Variants in WWOX observed in about 807,000 individuals in gnomAD.
WWOX encodes the protein WW domain-containing oxidoreductase.
A neutral mutation model predicts 46.2 loss-of-function variants in WWOX; 69 were observed. The ratio of observed to expected loss-of-function variants is 1.49; its 90% CI spans 1.23 to 1.82. The LOEUF is 1.82. WWOX is among the 40% of genes most tolerant of loss of function. WWOX has a pLI of 0.00. For missense variants in WWOX, 919 were observed against 542.6 expected (o/e 1.69, Z -6.89); for synonymous variants, 359 against 202.6 (o/e 1.77, Z -6.56).
chr16:78,539,742 A>T (rs1314676180), intron 8 of WWOX, among the ~76,000 whole-genome samples: 1 of 152,296 alleles, frequency 6.6e-6, no homozygotes, highest in East Asian at 1.9e-4. Context: ...ATAATTAGTA[A>T]TGCTAATGTC....
At chr16:78,747,265 C>G (rs138632075) in intron 8 of WWOX, among the ~76,000 whole-genome samples, 1 of 149,820 alleles carries the variant, frequency 6.7e-6, no homozygotes, top group Non-Finnish European at 1.5e-5. Flanking sequence ...GATCTCGGCT[C>G]ATTGCAACCT....
chr16:78,714,263 A>C (rs2048512934), intron 8 of WWOX, among the ~76,000 whole-genome samples: 1 of 152,172 alleles, frequency 6.6e-6, no homozygotes, highest in Admixed American at 6.5e-5. Flanking sequence ...ACGGACTCAT[A>C]GTTGCACATG....
intron 8 of WWOX, among the ~76,000 whole-genome samples, chr16:78,906,387 G>C (rs1217716014): frequency 6.6e-6 from 1 of 152,090 alleles, no homozygotes; most frequent in African/African-American, 2.4e-5. Context: ...AGCCTGATAA[G>C]GATTTCCTCT....
chr16:78,180,821 T>G (rs34640924), intron 5 of WWOX, among the ~76,000 whole-genome samples: 22,441 of 152,046 alleles, frequency 0.15, 2,018 homozygotes, highest in East Asian at 0.22. Flanking sequence ...CCAGAGCAGG[T>G]GTATACATGA....
At chr16:78,618,496 A>T (rs2046085916) in intron 8 of WWOX, among the ~76,000 whole-genome samples, 1 of 152,118 alleles carries the variant, frequency 6.6e-6, no homozygotes, top group African/African-American at 2.4e-5. Context: ...TTGTGAGGGC[A>T]CTGGTCATAT....
chr16:78,773,421 C>G (rs1172582954), intron 8 of WWOX, among the ~76,000 whole-genome samples: 1 of 152,294 alleles, frequency 6.6e-6, no homozygotes, highest in East Asian at 1.9e-4. Flanking sequence ...CTGCAGAGCG[C>G]AGACATTTGG....
intron 5 of WWOX, among the ~76,000 whole-genome samples, chr16:78,209,367 C>T (rs902487982): frequency 2.0e-5 from 3 of 152,188 alleles, no homozygotes; most frequent in Non-Finnish European, 4.4e-5. Flanking sequence ...GTTCCTTCTT[C>T]ATCTAGCTCA....
chr16:78,969,296 G>A (rs553424203), intron 8 of WWOX, among the ~76,000 whole-genome samples: 1 of 150,956 alleles, frequency 6.6e-6, no homozygotes, highest in East Asian at 1.9e-4. Context: ...TTTGAGGAAG[G>A]GTCTCTCTCT....
chr16:78,933,634 G>C (rs1253581144), intron 8 of WWOX, among the ~76,000 whole-genome samples: 10 of 152,252 alleles, frequency 6.6e-5, no homozygotes, highest in Non-Finnish European at 5.9e-5. Flanking sequence ...GAAGTTTATT[G>C]GACTTACAGT....
At chr16:78,965,450 A>T (rs895460184) in intron 8 of WWOX, among the ~76,000 whole-genome samples, 2 of 151,924 alleles carry the variant, frequency 1.3e-5, no homozygotes, top group Admixed American at 6.6e-5. Context: ...GGCACTTGTA[A>T]TCCCAGCTAC....
rs2034932968 is a variant in WWOX, at chr16:78,165,240, A to C, written c.516+951A>C. ...ATCGCTGGATTTCAGAATGAAGTCC[A>C]GACTGCATTCATTCACTTTTCATTC... On this transcript the variant is annotated intron_variant, in intron 5 of 8. Transcript: ENST00000566780. Among the ~76,000 whole-genome samples the C allele has an allele frequency of 2.6e-5, 4 of 152,374 alleles. No individual in the cohort carries two copies. The South Asian group carries it at 8.3e-4, about 32-fold the overall frequency.
At chr16:79,117,171 T>G (rs1303183371) in intron 8 of WWOX, among the ~76,000 whole-genome samples, 8 of 152,100 alleles carry the variant, frequency 5.3e-5, no homozygotes, top group Non-Finnish European at 1.2e-4. Flanking sequence ...GCCACTAGGC[T>G]GGGCTATTTT....
chr16:78,887,614 G>C (rs139329610), intron 8 of WWOX, among the ~76,000 whole-genome samples: 18 of 152,082 alleles, frequency 1.2e-4, no homozygotes, highest in African/African-American at 4.3e-4. Flanking sequence ...AAATCCATCA[G>C]CCAATGTGTA....
At chr16:78,696,243 C>T (rs1470063920) in intron 8 of WWOX, among the ~76,000 whole-genome samples, 1 of 152,176 alleles carries the variant, frequency 6.6e-6, no homozygotes, top group Admixed American at 6.5e-5. Flanking sequence ...GATACTAATA[C>T]CTGCCTTCCT....
intron 8 of WWOX, among the ~76,000 whole-genome samples, chr16:78,919,578 C>T (rs188127218): frequency 8.7e-4 from 126 of 145,648 alleles, no homozygotes; most frequent in African/African-American, 3.0e-3. Context: ...AGCACAATGG[C>T]GCGATCTCAG....
chr16:78,234,347 T>C (rs548567995), intron 5 of WWOX, among the ~76,000 whole-genome samples: 1 of 152,166 alleles, frequency 6.6e-6, no homozygotes, highest in Non-Finnish European at 1.5e-5. Flanking sequence ...ACAATGCTGC[T>C]TTATGGTATT....
At chr16:78,751,417 A>T (rs1479693968) in intron 8 of WWOX, among the ~76,000 whole-genome samples, 1 of 142,292 alleles carries the variant, frequency 7.0e-6, no homozygotes, top group Non-Finnish European at 1.5e-5. Context: ...TTATCAGATT[A>T]TATATATATA....
At chr16:79,032,363 G>T (rs1165467785) in intron 8 of WWOX, among the ~76,000 whole-genome samples, 1 of 144,768 alleles carries the variant, frequency 6.9e-6, no homozygotes. Flanking sequence ...TATATTCTAT[G>T]TAATATATAA....
intron 8 of WWOX, among the ~76,000 whole-genome samples, chr16:79,117,345 C>G (rs1331041164): frequency 6.6e-6 from 1 of 152,150 alleles, no homozygotes; most frequent in East Asian, 1.9e-4. Context: ...AATTTTTTCC[C>G]AACAGTAGGT....
Sources: allele counts gnomAD v4.1 joint callset (sites outside exome capture counted in the v4.1 genomes callset), GRCh38; gene constraint gnomAD v4.1.1; transcripts MANE v1.5; gene names NCBI Gene and HGNC (gene_info 2026-07-23, HGNC 2026-07-21).